Variants in RBFOX1 observed in about 807,000 individuals in gnomAD.
RBFOX1 encodes RNA binding fox-1 homolog 1.
In RBFOX1, 8 loss-of-function variants were observed where a neutral mutation model predicts 57.7. The observed-to-expected ratio is 0.14, with a 90% CI of 0.08 to 0.25. RBFOX1 has a LOEUF of 0.25. Among genes scored for constraint, RBFOX1 ranks in the 10% least tolerant of loss-of-function variants. The pLI is 1.00. For synonymous variants in RBFOX1, 326 were observed against 222.4 expected (o/e 1.47, Z -4.15); for missense variants, 611 against 548.5 (o/e 1.11, Z -1.14).
chr16:6,884,066 C>T (rs554826915), intron 3 of RBFOX1, among the ~76,000 whole-genome samples: 5 of 152,260 alleles, frequency 3.3e-5, no homozygotes, highest in Admixed American at 1.3e-4. Context: ...CACTGCAGAG[C>T]GGTGGCTGCT....
intron 3 of RBFOX1, among the ~76,000 whole-genome samples, chr16:5,612,812 T>G (rs994377337): frequency 6.6e-6 from 1 of 152,224 alleles, no homozygotes; most frequent in Non-Finnish European, 1.5e-5. Flanking sequence ...ACCCTAAGCA[T>G]TGAAGACCTC....
rs117319002 is a variant in RBFOX1 at position 6,835,954 on chromosome 16, C to A, written c.-16+181304C>A. Reference sequence around the variant, plus strand: ...AATGATAAAGAGCAGCACCTCCATTCCCATTCCATCTGCCAAAAGTGTCAT... The same window carrying A: ...AATGATAAAGAGCAGCACCTCCATTACCATTCCATCTGCCAAAAGTGTCAT... On this transcript the variant is annotated intron_variant, in intron 3 of 15. Transcript: ENST00000550418. Among the ~76,000 whole-genome samples the A allele has an allele frequency of 2.2e-4, 34 of 152,078 alleles. No individual in the cohort carries two copies. In the South Asian group the frequency reaches 7.1e-3, roughly 32 times the overall value.
rs2050273486 is a variant in RBFOX1, at chr16:7,052,046, T to C, written c.-15-11T>C. On this transcript the variant is annotated splice_polypyrimidine_tract_variant and intron_variant, in intron 3 of 15. Coordinates refer to ENST00000550418, the MANE Select transcript of RBFOX1 (RefSeq NM_018723.4). ...TTCTGACTTTTCCCCTTCATTTTCT[T>C]TTCTTTCTAGGTTTCAAGACAACAG... The C allele has an allele frequency of 5.0e-6, 8 of 1,612,468 alleles. No individual in the cohort carries two copies. The highest frequency in any genetic ancestry group is 5.9e-6 in the Non-Finnish European group (7 of 1,179,372).
intron 2 of RBFOX1, among the ~76,000 whole-genome samples, chr16:6,624,920 T>C (rs2098281882): frequency 6.6e-6 from 1 of 152,124 alleles, no homozygotes; most frequent in Non-Finnish European, 1.5e-5. Context: ...CCCAGCACTT[T>C]GGTCGAGGTC....
At chr16:5,822,765 A>T (rs969400989) in intron 3 of RBFOX1, among the ~76,000 whole-genome samples, 2 of 152,036 alleles carry the variant, frequency 1.3e-5, no homozygotes, top group Admixed American at 1.3e-4. Context: ...GGAATTGGAG[A>T]TGGTTTGTTG....
chr16:6,699,385 A>G (rs1017518346), intron 3 of RBFOX1, among the ~76,000 whole-genome samples: 16 of 151,206 alleles, frequency 1.1e-4, no homozygotes, highest in Middle Eastern at 3.4e-3. Context: ...GGTATTTTTT[A>G]TGCAAAAGTG....
intron 3 of RBFOX1, among the ~76,000 whole-genome samples, chr16:6,748,346 C>A (rs1193883058): frequency 6.6e-6 from 1 of 151,892 alleles, no homozygotes; most frequent in Non-Finnish European, 1.5e-5. Flanking sequence ...TAACTATATA[C>A]ATATGTATGT....
At chr16:7,419,944 T>A (rs1261207715) in intron 4 of RBFOX1, among the ~76,000 whole-genome samples, 2 of 87,866 alleles carry the variant, frequency 2.3e-5, no homozygotes, top group Non-Finnish European at 4.8e-5. Flanking sequence ...TTTTTTTTTT[T>A]AATTGTTTTG....
At chr16:5,651,603 C>T (rs1433193459) in intron 3 of RBFOX1, among the ~76,000 whole-genome samples, 2 of 152,118 alleles carry the variant, frequency 1.3e-5, no homozygotes, top group African/African-American at 4.8e-5. Flanking sequence ...TGTGTGTGAC[C>T]TTGTCAGTCA....
At chr16:7,136,294 TTG>T (rs1567403925) in intron 4 of RBFOX1, among the ~76,000 whole-genome samples, 1 of 152,180 alleles carries the variant, frequency 6.6e-6, no homozygotes, top group African/African-American at 2.4e-5. Flanking sequence ...ACAGTTCAGT[TTG>T]TCTCATATTA....
intron 1 of RBFOX1, among the ~76,000 whole-genome samples, chr16:5,288,069 G>A (rs940106848): frequency 6.6e-6 from 1 of 152,204 alleles, no homozygotes; most frequent in East Asian, 1.9e-4. Context: ...ATGTAATTGT[G>A]TACGGCCGAC....
chr16:5,647,786 G>T (rs1290936667), intron 3 of RBFOX1, among the ~76,000 whole-genome samples: 1 of 152,186 alleles, frequency 6.6e-6, no homozygotes, highest in Non-Finnish European at 1.5e-5. Flanking sequence ...AACAGATTCT[G>T]TGTGTGCTTT....
intron 4 of RBFOX1, among the ~76,000 whole-genome samples, chr16:7,346,876 A>G (rs993457624): frequency 2.0e-5 from 3 of 152,268 alleles, no homozygotes; most frequent in Non-Finnish European, 1.5e-5. Flanking sequence ...GGCTGAAGGA[A>G]CAGAACTCAA....
At chr16:5,940,429 C>G (rs549562911) in intron 4 of RBFOX1, among the ~76,000 whole-genome samples, 2 of 152,276 alleles carry the variant, frequency 1.3e-5, no homozygotes, top group East Asian at 1.9e-4. Flanking sequence ...AATCTAGGCA[C>G]TGAGAATTGG....
chr16:6,882,813 C>A (rs1186591773), intron 3 of RBFOX1, among the ~76,000 whole-genome samples: 6 of 152,058 alleles, frequency 3.9e-5, no homozygotes, highest in Middle Eastern at 3.2e-3. Flanking sequence ...TATCAATTCT[C>A]TGTTTCTTTG....
chr16:7,365,882 C>T (rs756202289), intron 4 of RBFOX1, among the ~76,000 whole-genome samples: 1 of 152,210 alleles, frequency 6.6e-6, no homozygotes, highest in East Asian at 1.9e-4. Context: ...CCCTAAGACT[C>T]TCCTTCTTTG....
At chr16:6,781,458 A>G (rs983421056) in intron 3 of RBFOX1, among the ~76,000 whole-genome samples, 1 of 152,086 alleles carries the variant, frequency 6.6e-6, no homozygotes. Flanking sequence ...GTTTGGAAGT[A>G]TTGTCTACTC....
intron 2 of RBFOX1, among the ~76,000 whole-genome samples, chr16:6,647,605 C>T (rs917695185): frequency 6.6e-6 from 1 of 152,176 alleles, no homozygotes; most frequent in African/African-American, 2.4e-5. Context: ...GAGTTCCCAT[C>T]TCCAAATACA....
intron 4 of RBFOX1, among the ~76,000 whole-genome samples, chr16:7,335,609 AC>A (rs1456451219): frequency 0.01 from 606 of 58,992 alleles, 10 homozygotes; most frequent in African/African-American, 0.079. Context: ...AAAAAAAAAA[AC>A]CAAGTGATTT....
Sources: allele counts gnomAD v4.1 joint callset (sites outside exome capture counted in the v4.1 genomes callset), GRCh38; gene constraint gnomAD v4.1.1; transcripts MANE v1.5; gene names NCBI Gene and HGNC (gene_info 2026-07-23, HGNC 2026-07-21).